Variants in MFHAS1 observed in about 807,000 individuals in gnomAD.
The protein encoded by MFHAS1 is multifunctional ROCO family signaling regulator 1, also known as malignant fibrous histiocytoma-amplified sequence 1.
In MFHAS1, 50 loss-of-function variants were observed where a neutral mutation model predicts 70.4. The observed-to-expected ratio is 0.71, with a 90% CI of 0.57 to 0.90. The LOEUF is 0.90. Among genes scored for constraint, MFHAS1 ranks in the 40% least tolerant of loss-of-function variants. The pLI is 0.00. For missense variants in MFHAS1, 1,795 were observed against 1,347.6 expected (o/e 1.33, Z -5.20); for synonymous variants, 952 against 620.0 (o/e 1.54, Z -7.96).
At chr8:8,861,813 G>T (rs897743075) in intron 1 of MFHAS1, among the ~76,000 whole-genome samples, 1 of 152,114 alleles carries the variant, frequency 6.6e-6, no homozygotes, top group African/African-American at 2.4e-5. Flanking sequence ...CATATAAATG[G>T]AGTCATACAA....
chr8:8,890,735 G>T lies in MFHAS1; in HGVS notation c.2324C>A (p.Pro775His), dbSNP rs767072421. ...GGTGGCCCGGAGCAGTTCCTGGCTGGGGGTGGACCGCGCCATGGGCGGGGA... is the reference window on the plus strand; with the variant it reads ...GGTGGCCCGGAGCAGTTCCTGGCTGTGGGTGGACCGCGCCATGGGCGGGGA... ...ESSPPMARST[P>H]SQELLRATQL... Residue 775 changes from proline to histidine, a missense_variant, in exon 1 of 3, where the codon CCC becomes CAC. Coordinates refer to ENST00000276282, the MANE Select transcript of MFHAS1 (RefSeq NM_004225.3). The T allele has an allele frequency of 6.2e-7, 1 of 1,613,574 alleles. No individual in the cohort carries two copies. The highest frequency in any genetic ancestry group is 8.5e-7 in the Non-Finnish European group (1 of 1,179,800).
At chr8:8,857,603 T>C (rs555489992) in intron 1 of MFHAS1, among the ~76,000 whole-genome samples, 1 of 151,888 alleles carries the variant, frequency 6.6e-6, no homozygotes, top group African/African-American at 2.4e-5. Context: ...CCAAAAAATA[T>C]ATAAAAATTA....
chr8:8,868,937 C>T (rs564635099), intron 1 of MFHAS1, among the ~76,000 whole-genome samples: 3 of 152,280 alleles, frequency 2.0e-5, no homozygotes, highest in Admixed American at 6.5e-5. Context: ...TCTCTAGTTT[C>T]GTCTAGAGTT....
intron 1 of MFHAS1, among the ~76,000 whole-genome samples, chr8:8,811,415 A>C (rs1398691799): frequency 6.6e-6 from 1 of 152,066 alleles, no homozygotes; most frequent in African/African-American, 2.4e-5. Flanking sequence ...AAATGGGACC[A>C]CAGGCACACA....
rs906135380 is a variant in MFHAS1 at position 8,784,657 on chromosome 8, G to T, written c.*1365C>A. On this transcript the variant is annotated 3_prime_UTR_variant, in exon 3 of 3. Transcript: ENST00000276282. The stretch of plus-strand genomic sequence containing the variant: ...TTTACAAAAGAAGTAAAAGAGTAGC[G>T]AGTACCAGCAACTCACTCTTCTTGT... 2.6e-5 allele frequency: 4 copies of T among 152,158 alleles called. No homozygotes were observed. Among genetic ancestry groups the T allele is most frequent in the Non-Finnish European group, 4.4e-5 (3 of 68,038 alleles). The allele number at this position is 152,158 out of a possible 1,614,324, so 9.4% of individuals were successfully genotyped here.
intron 1 of MFHAS1, among the ~76,000 whole-genome samples, chr8:8,887,268 A>C (rs1388198255): frequency 1.3e-5 from 2 of 152,212 alleles, no homozygotes; most frequent in East Asian, 3.8e-4. Context: ...TTAAACACTC[A>C]ACATAATTCT....
At chr8:8,884,041 A>AACACACACACACACAC (rs10660555) in intron 1 of MFHAS1, among the ~76,000 whole-genome samples, 1 of 134,096 alleles carries the variant, frequency 7.5e-6, no homozygotes. Context: ...CTATTTCACA[A>AACACACACACACACAC]ACACACACAC....
At position 8,890,938 on chromosome 8, in the gene MFHAS1, C is replaced by T; in HGVS notation, c.2121G>A (p.Leu707=). The change falls in exon 1 of 3, where the codon CTG becomes CTA. Residue 707 remains leucine (L), a synonymous_variant. Coordinates refer to ENST00000276282, the MANE Select transcript of MFHAS1 (RefSeq NM_004225.3). The stretch of plus-strand genomic sequence containing the variant: ...AGTAGAGTAGCTTGCCGCTCTCATG[C>T]AGGTAGGAGAGGGCACTCTGCAGTC... ...EDRLQSALSY[L]HESGKLLYFE... 1.9e-6 allele frequency: 3 copies of T among 1,614,038 alleles called. No individual in the cohort carries two copies. Among genetic ancestry groups the T allele is most frequent in the Non-Finnish European group, 2.5e-6 (3 of 1,180,024 alleles).
intron 1 of MFHAS1, among the ~76,000 whole-genome samples, chr8:8,849,157 T>C (rs1808148745): frequency 7.6e-6 from 1 of 131,232 alleles, no homozygotes; most frequent in Non-Finnish European, 1.6e-5. Flanking sequence ...CTCAGCTCAC[T>C]GCAACCTCTG....
At chr8:8,859,174 G>A (rs1464097766) in intron 1 of MFHAS1, among the ~76,000 whole-genome samples, 5 of 152,180 alleles carry the variant, frequency 3.3e-5, no homozygotes, top group Admixed American at 6.5e-5. Flanking sequence ...CCAACATGGC[G>A]AAACCCCGTC....
intron 1 of MFHAS1, among the ~76,000 whole-genome samples, chr8:8,803,599 C>G (rs916209196): frequency 5.3e-5 from 6 of 113,510 alleles, no homozygotes; most frequent in Non-Finnish European, 3.8e-5. Context: ...TCATTATTCC[C>G]TAAACAAAAT....
At chr8:8,834,322 T>C (rs151010772) in intron 1 of MFHAS1, among the ~76,000 whole-genome samples, 446 of 152,310 alleles carry the variant, frequency 2.9e-3, no homozygotes, top group African/African-American at 0.01. Context: ...GCCTAAGTGT[T>C]CCATGTTTAT....
chr8:8,848,856 T>C (rs1808132692), intron 1 of MFHAS1, among the ~76,000 whole-genome samples: 1 of 152,218 alleles, frequency 6.6e-6, no homozygotes, highest in Non-Finnish European at 1.5e-5. Context: ...GTTTCCGTTC[T>C]CAAAGCTGGT....
At chr8:8,796,497 CAG>C (rs1805899602) in intron 2 of MFHAS1, among the ~76,000 whole-genome samples, 2 of 150,884 alleles carry the variant, frequency 1.3e-5, no homozygotes, top group South Asian at 4.2e-4. Flanking sequence ...TCCTGGCTAA[CAG>C]GGTGAAACCC....
chr8:8,877,108 C>T (rs1809325852), intron 1 of MFHAS1, among the ~76,000 whole-genome samples: 1 of 151,814 alleles, frequency 6.6e-6, no homozygotes, highest in East Asian at 1.9e-4. Flanking sequence ...GAGACCAGCC[C>T]AGGCAACGTG....
chr8:8,819,779 G>A (rs1168391772), intron 1 of MFHAS1, among the ~76,000 whole-genome samples: 1 of 152,008 alleles, frequency 6.6e-6, no homozygotes, highest in Admixed American at 6.6e-5. Context: ...GCTCATTGCA[G>A]CCTCAGCCTC....
At chr8:8,846,975 G>T (rs999732478) in intron 1 of MFHAS1, among the ~76,000 whole-genome samples, 6 of 152,122 alleles carry the variant, frequency 3.9e-5, no homozygotes, top group Non-Finnish European at 8.8e-5. Flanking sequence ...TCTACTATAT[G>T]CCAGACACAA....
chr8:8,793,846 G>A (rs187078893), intron 2 of MFHAS1, among the ~76,000 whole-genome samples: 1 of 152,266 alleles, frequency 6.6e-6, no homozygotes, highest in East Asian at 1.9e-4. Context: ...AGTGACTCAT[G>A]CCTGGTCCCT....
chr8:8,839,706 A>C (rs1177789701), intron 1 of MFHAS1, among the ~76,000 whole-genome samples: 1 of 152,226 alleles, frequency 6.6e-6, no homozygotes, highest in African/African-American at 2.4e-5. Flanking sequence ...GTCTGGCTGA[A>C]ATAACGTAAT....
Sources: gnomAD v4.1 joint callset for allele counts (sites outside exome capture counted in the v4.1 genomes callset) on GRCh38, gnomAD v4.1.1 for gene constraint, MANE v1.5 for transcripts, NCBI Gene and HGNC (gene_info 2026-07-23, HGNC 2026-07-21) for gene names.